The following UBP1 variants were observed in gnomAD, a reference collection of about 807,000 sequenced individuals.
UBP1 encodes upstream-binding protein 1.
In UBP1, 22 loss-of-function variants were observed where a neutral mutation model predicts 76.1. That is an observed-to-expected ratio of 0.29 (90% CI 0.21 to 0.41). UBP1 has a LOEUF of 0.41. Ranked by LOEUF, UBP1 falls within the 10% of genes least tolerant of loss-of-function variation. The pLI, the probability that UBP1 is intolerant of heterozygous loss-of-function variation, is 1.00. For missense variants in UBP1, 436 were observed against 668.1 expected (o/e 0.65, Z 3.83); for synonymous variants, 224 against 237.1 (o/e 0.94, Z 0.51).
chr3:33,440,382 G>C lies in UBP1; in HGVS notation c.-534C>G, dbSNP rs1047349126. The C allele has an allele frequency of 6.6e-6, 1 of 152,480 alleles. No individual in the cohort carries two copies. Among genetic ancestry groups the C allele is most frequent in the Non-Finnish European group, 1.5e-5 (1 of 68,620 alleles). 9.4% of individuals were successfully genotyped at this position (152,480 alleles called of 1,614,324 possible). The stretch of plus-strand genomic sequence containing the variant: ...CGGACGCTGGCTTCAACGCGACTCC[G>C]ACTTAGGTTCACGCGCCGCTTCCGC... On this transcript the variant is annotated 5_prime_UTR_variant, in exon 1 of 16. Transcript: ENST00000283629.
rs563877549 is a variant in UBP1, at chr3:33,398,635, C to T, written c.1181-1500G>A. On this transcript the variant is annotated intron_variant, in intron 11 of 15. Transcript: ENST00000283629. Reference sequence around the variant, plus strand: ...CCAAAGGGTACCATGGCTAGCTCCTCGCCCACTTTCTTGGAAGAAGCCCCC... The same window carrying T: ...CCAAAGGGTACCATGGCTAGCTCCTTGCCCACTTTCTTGGAAGAAGCCCCC... 9.8e-5 allele frequency among the ~76,000 whole-genome samples: 15 copies of T among 152,322 alleles called. No individual in the cohort carries two copies. In the South Asian group the frequency reaches 2.3e-3, roughly 23 times the overall value.
At chr3:33,401,377 A>C (rs1163276113) in intron 9 of UBP1, among the ~76,000 whole-genome samples, 1 of 152,230 alleles carries the variant, frequency 6.6e-6, no homozygotes, top group African/African-American at 2.4e-5. Context: ...CAAATTAGAT[A>C]AATAGTTGAA....
intron 1 of UBP1, among the ~76,000 whole-genome samples, chr3:33,429,531 G>A (rs1427111701): frequency 6.6e-6 from 1 of 152,048 alleles, no homozygotes; most frequent in African/African-American, 2.4e-5. Context: ...GTTTCCCCAT[G>A]TTGGCCAGGC....
At chr3:33,415,260 A>G (rs1253620372) in intron 3 of UBP1, among the ~76,000 whole-genome samples, 3 of 152,228 alleles carry the variant, frequency 2.0e-5, no homozygotes, top group African/African-American at 7.2e-5. Flanking sequence ...TGACAAAGAC[A>G]ATTGCTTCAG....
At position 33,434,996 on chromosome 3, in the gene UBP1, T is replaced by G. The variant is rs139252062; in HGVS notation, c.113+4740A>C. Among the ~76,000 whole-genome samples, 720 of 152,334 alleles carry G rather than the reference T, an allele frequency of 4.7e-3. 8 individuals carry two copies. The highest frequency in any genetic ancestry group is 0.016 in the African/African-American group (672 of 41,578). On this transcript the variant is annotated intron_variant, in intron 1 of 15. Coordinates refer to ENST00000283629, the MANE Select transcript of UBP1 (RefSeq NM_014517.5). ...CATGGCGCCCGATCTGGTTTTACAT[T>G]TTTTAAAGGGTTGTAAAAAACAAAA...
In UBP1 at chr3:33,392,680, A is replaced by G. The variant is rs944211004; in HGVS notation, c.1534-66T>C. 8.4e-6 allele frequency: 12 copies of G among 1,433,852 alleles called. No homozygotes were observed. In the African/African-American group the frequency reaches 1.3e-4, roughly 15 times the overall value. 88.8% of individuals were successfully genotyped at this position (1,433,852 alleles called of 1,614,324 possible). A position where few individuals can be genotyped will look rare whatever the true frequency, so the allele number is the denominator to read the frequency against. ...AACTGTCGTTTCTTAAAATGATTTTAAAACAGTAAATATTCTTCTCAAACA... is the reference window on the plus strand; with the variant it reads ...AACTGTCGTTTCTTAAAATGATTTTGAAACAGTAAATATTCTTCTCAAACA... On this transcript the variant is annotated intron_variant, in intron 14 of 15. Transcript: ENST00000283629.
At chr3:33,426,839 T>C (rs2045026260) in intron 1 of UBP1, among the ~76,000 whole-genome samples, 1 of 152,244 alleles carries the variant, frequency 6.6e-6, no homozygotes, top group African/African-American at 2.4e-5. Context: ...ATCTGGGTGG[T>C]TTCCATTTTT....
At chr3:33,390,677 G>A (rs916518194) in intron 15 of UBP1, 10 of 368,092 alleles carry the variant, frequency 2.7e-5, no homozygotes, top group Admixed American at 1.9e-4. Context: ...GTCCATAAGG[G>A]GAGCAAGAGC....
At chr3:33,424,453 A>G (rs1275928926) in intron 2 of UBP1, among the ~76,000 whole-genome samples, 1 of 152,228 alleles carries the variant, frequency 6.6e-6, no homozygotes, top group South Asian at 2.1e-4. Flanking sequence ...AATAAACACT[A>G]TATACTCAAG....
chr3:33,425,776 G>C, intron 1 of UBP1, 35 bp from the exon 2 acceptor site: 1 of 1,548,382 alleles, frequency 6.5e-7, no homozygotes, highest in Non-Finnish European at 8.8e-7. Flanking sequence ...ACCTTACTTT[G>C]GGTTTGAAAT....
chr3:33,391,511 G>A (rs903447072), intron 15 of UBP1: 1 of 152,148 alleles, frequency 6.6e-6, no homozygotes, highest in African/African-American at 2.4e-5. Context: ...CCTCTTCTCT[G>A]AGCCCCAGAC....
chr3:33,429,313 G>A (rs1307954666), intron 1 of UBP1, among the ~76,000 whole-genome samples: 2 of 151,902 alleles, frequency 1.3e-5, no homozygotes, highest in East Asian at 1.9e-4. Flanking sequence ...GAGTACTAAA[G>A]ACAGAATGTT....
intron 1 of UBP1, among the ~76,000 whole-genome samples, chr3:33,426,064 C>T (rs1327555177): frequency 8.2e-6 from 1 of 122,078 alleles, no homozygotes; most frequent in African/African-American, 3.2e-5. Flanking sequence ...TCTTTTAAAA[C>T]TTTAAGGTCC....
rs752380867 is a variant in UBP1 at position 33,400,244 on chromosome 3, T to A, written c.1125A>T (p.Gln375His). 6.2e-7 allele frequency: 1 copy of A among 1,601,752 alleles called. No homozygotes were observed. Among genetic ancestry groups the A allele is most frequent in the South Asian group, 1.1e-5 (1 of 87,824 alleles). Residue 375 changes from glutamine to histidine, a missense_variant, in exon 11 of 16, where the codon CAA (glutamine) becomes CAT (histidine). Transcript: ENST00000283629. ...AAGAGAATCTGTTTTTGAGCAGCCA[T>A]TGCTGTGTTTCCTGGATCGTAGCTG... ...QPSATIQETQ[Q>H]WLLKNRFSSY...
intron 14 of UBP1, 96 bp downstream of exon 14, chr3:33,393,214 ATT>A: frequency 8.0e-7 from 1 of 1,245,250 alleles, no homozygotes; most frequent in Non-Finnish European, 1.1e-6. Context: ...TCTCATAAGT[ATT>A]TTCAAAAGAG....
chr3:33,427,538 T>G (rs2045038722), intron 1 of UBP1, among the ~76,000 whole-genome samples: 1 of 152,226 alleles, frequency 6.6e-6, no homozygotes, highest in African/African-American at 2.4e-5. Flanking sequence ...TCCTACAAGC[T>G]GTTCACTAAG....
chr3:33,418,700 A>T (rs1304295487), intron 2 of UBP1, among the ~76,000 whole-genome samples: 1 of 151,784 alleles, frequency 6.6e-6, no homozygotes, highest in Non-Finnish European at 1.5e-5. Context: ...CTCTACTAAA[A>T]ATACAAAAAT....
At chr3:33,421,559 C>T (rs1373719835) in intron 2 of UBP1, among the ~76,000 whole-genome samples, 5 of 152,164 alleles carry the variant, frequency 3.3e-5, no homozygotes, top group South Asian at 2.1e-4. Context: ...CATGCGCCAC[C>T]GCACCCAGCC....
Position 33,390,188 on chromosome 3 carries a change from G to GCT in UBP1, c.*141_*142dup, listed in dbSNP as rs779684590. ...AGTGAGGAGATTCACCTCTCATACA[G>GCT]CTCATTAGAAAGGTCATCTTGTGTT... On this transcript the variant is annotated 3_prime_UTR_variant, in exon 16 of 16. Coordinates refer to ENST00000283629, the MANE Select transcript of UBP1 (RefSeq NM_014517.5). 4 of 785,680 alleles carry GCT rather than the reference G, an allele frequency of 5.1e-6. No homozygotes were observed. Among genetic ancestry groups the GCT allele is most frequent in the Non-Finnish European group, 8.3e-6 (4 of 484,516 alleles). 48.7% of individuals were successfully genotyped at this position (785,680 alleles called of 1,614,324 possible).
Sources: allele counts gnomAD v4.1 joint callset (sites outside exome capture counted in the v4.1 genomes callset), GRCh38; gene constraint gnomAD v4.1.1; transcripts MANE v1.5; gene names NCBI Gene and HGNC (gene_info 2026-07-23, HGNC 2026-07-21).